Variants in FAXC observed in about 807,000 individuals in gnomAD.
The protein encoded by FAXC is failed axon connections homolog, metaxin like GST domain containing.
A neutral mutation model predicts 41.9 loss-of-function variants in FAXC; 10 were observed. That is an observed-to-expected ratio of 0.24 (90% CI 0.15 to 0.41). The LOEUF is 0.41. Ranked by LOEUF, FAXC falls within the 10% of genes least tolerant of loss-of-function variation. FAXC has a pLI of 1.00. For missense variants in FAXC, 399 were observed against 510.9 expected, an observed-to-expected ratio of 0.78 and a Z score of 2.11; for synonymous variants, 183 against 183.8, an observed-to-expected ratio of 1.00 and a Z score of 0.03.
At position 99,281,167 on chromosome 6, in the gene FAXC, C is replaced by T; in HGVS notation, c.1227G>A (p.Lys409=). 2.2e-6 allele frequency: 3 copies of T among 1,369,030 alleles called. No individual in the cohort carries two copies. Among genetic ancestry groups the T allele is most frequent in the Non-Finnish European group, 3.1e-6 (3 of 956,526 alleles). The allele number at this position is 1,369,030 out of a possible 1,614,324, so 84.8% of individuals were successfully genotyped here. Residue 409 remains lysine, a synonymous_variant, in exon 6 of 6, where the codon AAG becomes AAA. Coordinates refer to ENST00000389677, the MANE Select transcript of FAXC (RefSeq NM_032511.4). ...MDDYTDHEQC[K] ...AGAGGGTCAGTGAGGCTGGACGTCA[C>T]TTGCACTGTTCGTGGTCTGTATAGT...
At chr6:99,309,928 G>A (rs990937123) in intron 4 of FAXC, 6 of 983,880 alleles carry the variant, frequency 6.1e-6, no homozygotes, top group Admixed American at 6.2e-5. Context: ...AACCACCAAC[G>A]TAAACACACA....
chr6:99,345,696 G>A (rs751795264), intron 1 of FAXC, among the ~76,000 whole-genome samples: 1 of 152,216 alleles, frequency 6.6e-6, no homozygotes, highest in Non-Finnish European at 1.5e-5. Context: ...GCAGAGATCA[G>A]ATGTTGATTC....
chr6:99,287,523 C>CTATT (rs1771071476), intron 5 of FAXC, among the ~76,000 whole-genome samples: 2 of 152,182 alleles, frequency 1.3e-5, no homozygotes, highest in Admixed American at 6.5e-5. Context: ...AAACTTCATA[C>CTATT]TATTCTACAT....
At chr6:99,284,127 C>T (rs1399570445) in intron 5 of FAXC, 2 of 152,200 alleles carry the variant, frequency 1.3e-5, no homozygotes, top group Non-Finnish European at 2.9e-5. Context: ...ATATTAACCT[C>T]GTTAGTCCTC....
At chr6:99,305,777 A>G (rs1771897298) in intron 4 of FAXC, among the ~76,000 whole-genome samples, 1 of 151,358 alleles carries the variant, frequency 6.6e-6, no homozygotes, top group Admixed American at 6.6e-5. Context: ...TATATTATAT[A>G]TTGCATTACT....
In FAXC at chr6:99,279,466, T is replaced by G. The variant is rs979610057; in HGVS notation, c.*1698A>C. The G allele has an allele frequency of 2.4e-4, 36 of 151,914 alleles. No individual in the cohort carries two copies. Among genetic ancestry groups the G allele is most frequent in the Non-Finnish European group, 1.5e-5 (1 of 67,974 alleles). 9.4% of individuals were successfully genotyped at this position (151,914 alleles called of 1,614,324 possible). On this transcript the variant is annotated 3_prime_UTR_variant, in exon 6 of 6. Transcript: ENST00000389677. ...CAAATGCTATATTCAAAAAGAGGTTTTTTTTTTTTCAAGTAAAGTGCATGG... is the reference window on the plus strand; with the variant it reads ...CAAATGCTATATTCAAAAAGAGGTTGTTTTTTTTTCAAGTAAAGTGCATGG...
At chr6:99,342,805 C>G in intron 2 of FAXC, 93 bp downstream of exon 2, 4 of 1,245,642 alleles carry the variant, frequency 3.2e-6, no homozygotes, top group Non-Finnish European at 4.4e-6. Flanking sequence ...CCTCTGGCAT[C>G]CACTGTGTGA....
intron 3 of FAXC, among the ~76,000 whole-genome samples, chr6:99,323,890 C>G (rs1302259274): frequency 1.3e-5 from 2 of 152,078 alleles, no homozygotes; most frequent in Non-Finnish European, 2.9e-5. Context: ...GATAAAGATG[C>G]CATCAAACCT....
chr6:99,348,448 G>C (rs1458625538), intron 1 of FAXC, among the ~76,000 whole-genome samples: 2 of 152,102 alleles, frequency 1.3e-5, no homozygotes, highest in African/African-American at 4.8e-5. Flanking sequence ...AACTGTTTAC[G>C]GCACTGGGCG....
At chr6:99,345,544 A>G (rs1773560931) in intron 1 of FAXC, among the ~76,000 whole-genome samples, 1 of 152,194 alleles carries the variant, frequency 6.6e-6, no homozygotes, top group South Asian at 2.1e-4. Flanking sequence ...CTGTACAGCT[A>G]TATTTTATAA....
intron 1 of FAXC, among the ~76,000 whole-genome samples, chr6:99,346,981 G>A (rs185187295): frequency 7.2e-5 from 11 of 152,180 alleles, no homozygotes; most frequent in South Asian, 2.1e-4. Context: ...AACAAAACTG[G>A]CCAAGTATGG....
rs1457650476 is a variant in FAXC at position 99,294,192 on chromosome 6, C to A, written c.824-2372G>T. 2.0e-5 allele frequency among the ~76,000 whole-genome samples: 3 copies of A among 152,146 alleles called. 1 individual carries two copies. Among genetic ancestry groups the A allele is most frequent in the Admixed American group, 6.5e-5 (1 of 15,274 alleles). ...CATCATTTGAGTCTTACACCATTAT[C>A]CAAATACTGGGGGGAATCCAGAGAA... On this transcript the variant is annotated intron_variant, in intron 4 of 5. Coordinates refer to ENST00000389677, the MANE Select transcript of FAXC (RefSeq NM_032511.4).
In FAXC at chr6:99,300,343, C is replaced by A. The variant is rs149555564; in HGVS notation, c.824-8523G>T. On this transcript the variant is annotated intron_variant, in intron 4 of 5. Coordinates refer to ENST00000389677, the MANE Select transcript of FAXC (RefSeq NM_032511.4). ...AAAGATTTGCACCAGTGTGGAAAGA[C>A]TTTACACATCTAAATTAGGAAAGTA... Among the ~76,000 whole-genome samples the A allele has an allele frequency of 4.4e-3, 665 of 152,354 alleles. 2 individuals are homozygous for A. The highest frequency in any genetic ancestry group is 0.014 in the African/African-American group (596 of 41,584).
intron 5 of FAXC, among the ~76,000 whole-genome samples, chr6:99,283,381 T>C (rs940496567): frequency 2.5e-4 from 38 of 152,376 alleles, no homozygotes; most frequent in African/African-American, 8.4e-4. Context: ...CATTTTCTCA[T>C]GTTAAAATTT....
At chr6:99,314,435 G>A (rs182714425) in intron 4 of FAXC, among the ~76,000 whole-genome samples, 130 of 152,186 alleles carry the variant, frequency 8.5e-4, no homozygotes, top group Non-Finnish European at 1.6e-3. Flanking sequence ...TTAGCTGGGC[G>A]TGGTAGCACA....
At chr6:99,283,803 A>G (rs1392065359) in intron 5 of FAXC, among the ~76,000 whole-genome samples, 1 of 152,220 alleles carries the variant, frequency 6.6e-6, no homozygotes, top group East Asian at 1.9e-4. Flanking sequence ...GATGAAATAC[A>G]GTCACTTCAC....
At chr6:99,293,712 GTC>G (rs71785814) in intron 4 of FAXC, among the ~76,000 whole-genome samples, 72 of 99,086 alleles carry the variant, frequency 7.3e-4, no homozygotes, top group Admixed American at 1.7e-3. Context: ...GTGTGTGTGT[GTC>G]TGTGTGTGTG....
At chr6:99,334,558 T>C (rs1370973134) in intron 2 of FAXC, 1 of 899,760 alleles carries the variant, frequency 1.1e-6, no homozygotes, top group Non-Finnish European at 1.3e-6. Flanking sequence ...AAGCTGCTAA[T>C]ACATCTAACA....
chr6:99,344,591 A>T (rs980415527), intron 1 of FAXC, among the ~76,000 whole-genome samples: 12 of 147,024 alleles, frequency 8.2e-5, no homozygotes, highest in Non-Finnish European at 4.5e-5. Flanking sequence ...TATGTCAAGT[A>T]AAAAAAAAAA....
Sources: allele counts gnomAD v4.1 joint callset (sites outside exome capture counted in the v4.1 genomes callset), GRCh38; gene constraint gnomAD v4.1.1; transcripts MANE v1.5; gene names NCBI Gene and HGNC (gene_info 2026-07-23, HGNC 2026-07-21).